CNTRL: variants seen among roughly 807,000 people sequenced by gnomAD.
CNTRL encodes centriolin.
In CNTRL, 233 loss-of-function variants were observed where a neutral mutation model predicts 303.7. The observed-to-expected ratio is 0.77, with a 90% CI of 0.69 to 0.86. The LOEUF (loss-of-function observed/expected upper bound fraction) is 0.86, where lower values mean the gene tolerates loss of function less well. Ranked by LOEUF, CNTRL falls within the 40% of genes least tolerant of loss-of-function variation. The pLI is 0.00. For synonymous variants in CNTRL, 900 were observed against 922.2 expected (o/e 0.98, Z 0.44); for missense variants, 2,524 against 2,650.6 (o/e 0.95, Z 1.05).
Position 121,138,408 on chromosome 9 carries a change from G to A in CNTRL, c.2203-137G>A, listed in dbSNP as rs1184887328. ...AAATTATCTTTGGTTTTTAAATTTG[G>A]GAGTACAAACATAAAATTGAGTTGT... On this transcript the variant is annotated intron_variant, in intron 15 of 43. Coordinates refer to ENST00000373855, the MANE Select transcript of CNTRL (RefSeq NM_007018.6). 29 of 809,490 alleles carry A rather than the reference G, an allele frequency of 3.6e-5. No homozygotes were observed. In the East Asian group the frequency reaches 7.9e-4, roughly 22 times the overall value. The allele number at this position is 809,490 out of a possible 1,614,324, so 50.1% of individuals were successfully genotyped here. A position where few individuals can be genotyped will look rare whatever the true frequency, so the allele number is the denominator to read the frequency against.
chr9:121,141,452 C>G lies in CNTRL; in HGVS notation c.2555C>G (p.Ala852Gly). The change falls in exon 18 of 44, where the codon GCA (alanine) becomes GGA (glycine). Residue 852 changes from alanine (A) to glycine (G), a missense_variant. By Grantham distance (60) the Ala-to-Gly change is moderately conservative (BLOSUM62 0). Coordinates refer to ENST00000373855, the MANE Select transcript of CNTRL (RefSeq NM_007018.6). Reference protein sequence around the residue: ...DLQKQFSEILARSKWERDEAQ... With the variant: ...DLQKQFSEILGRSKWERDEAQ... ...CAGAAACAATTCAGTGAAATTCTTG[C>G]ACGCTCCAAGTGGGAAAGAGATGAA... 1 of 1,613,980 alleles carries G rather than the reference C, an allele frequency of 6.2e-7. No homozygotes were observed. The highest frequency in any genetic ancestry group is 1.3e-5 in the African/African-American group (1 of 74,994).
chr9:121,158,188 A>C (rs1002502756), intron 30 of CNTRL, 79 bp downstream of exon 30: 3 of 1,512,502 alleles, frequency 2.0e-6, no homozygotes, highest in African/African-American at 2.8e-5. Context: ...TAATTGTAGA[A>C]AAGAATAAAT....
At chr9:121,128,280 G>A (rs1434629447) in intron 14 of CNTRL, among the ~76,000 whole-genome samples, 11 of 152,088 alleles carry the variant, frequency 7.2e-5, no homozygotes, top group Non-Finnish European at 1.3e-4. Context: ...AAGCATTCCT[G>A]TTTCTCCACA....
intron 22 of CNTRL, 137 bp from the exon 23 acceptor site, chr9:121,145,971 G>T: frequency 2.9e-6 from 2 of 684,862 alleles, no homozygotes; most frequent in Non-Finnish European, 4.6e-6. Flanking sequence ...GCCTTTTTTT[G>T]ACTTACCAAA....
At position 121,160,301 on chromosome 9, in the gene CNTRL, C is replaced by T. The variant is rs141100911; in HGVS notation, c.5088C>T (p.Thr1696=). 289 of 1,491,754 alleles carry T rather than the reference C, an allele frequency of 1.9e-4. 1 individual carries two copies. The South Asian group carries it at 2.2e-3, about 12-fold the overall frequency. The allele number at this position is 1,491,754 out of a possible 1,614,324, so 92.4% of individuals were successfully genotyped here. ...VVLRQMSKHK[T]ELKNILDMLQ... ...TAAGGCAGATGTCTAAACATAAAAC[C>T]GGTAAGTTTAAAGGAAAACAATCAT... The change falls in exon 32 of 44, where the codon ACC becomes ACT. Residue 1696 remains threonine (T), a splice_region_variant and synonymous_variant. Coordinates refer to ENST00000373855, the MANE Select transcript of CNTRL (RefSeq NM_007018.6).
Position 121,124,013 on chromosome 9 carries a change from T to C in CNTRL, c.1733T>C (p.Leu578Ser). 3 of 1,613,234 alleles carry C rather than the reference T, an allele frequency of 1.9e-6. No homozygotes were observed. The highest frequency in any genetic ancestry group is 2.5e-6 in the Non-Finnish European group (3 of 1,179,570). Residue 578 changes from leucine to serine, a missense_variant, in exon 13 of 44, where the codon TTG (leucine) becomes TCG (serine). Coordinates refer to ENST00000373855, the MANE Select transcript of CNTRL (RefSeq NM_007018.6). ...NKQYQQLESR[L>S]DEILSRIAKE... ...CAGTACCAACAACTTGAAAGTCGTT[T>C]GGATGAGATACTTTCTAGAATTGCT... is the stretch of plus-strand genomic sequence containing the variant.
chr9:121,129,982 G>A (rs1212522604), intron 14 of CNTRL, among the ~76,000 whole-genome samples: 2 of 152,208 alleles, frequency 1.3e-5, no homozygotes, highest in African/African-American at 2.4e-5. Context: ...CAGGGATGAA[G>A]CCGACTTGAT....
At chr9:121,125,695 C>G (rs373640670) in intron 13 of CNTRL, 21 bp from the exon 14 acceptor site, 2 of 1,595,524 alleles carry the variant, frequency 1.3e-6, no homozygotes, top group Admixed American at 1.7e-5. Flanking sequence ...TATATTATTA[C>G]CCTTTTTGCA....
At chr9:121,144,436 G>C (rs954868676) in intron 20 of CNTRL, among the ~76,000 whole-genome samples, 1 of 151,960 alleles carries the variant, frequency 6.6e-6, no homozygotes, top group Non-Finnish European at 1.5e-5. Flanking sequence ...TTTTCATCTC[G>C]TGCAGTCATG....
chr9:121,121,803 G>A (rs1361784812), intron 12 of CNTRL: 5 of 985,322 alleles, frequency 5.1e-6, no homozygotes, highest in Middle Eastern at 5.2e-4. Flanking sequence ...GAGGCTCTGC[G>A]AAGTTACAGA....
At chr9:121,080,890 G>A (rs2048111835) in intron 2 of CNTRL, among the ~76,000 whole-genome samples, 1 of 152,168 alleles carries the variant, frequency 6.6e-6, no homozygotes, top group African/African-American at 2.4e-5. Flanking sequence ...AAATTTATTC[G>A]ATCAAAGCTT....
chr9:121,168,218 G>A lies in CNTRL; in HGVS notation c.5967G>A (p.Leu1989=). ...EKELTDQKSK[L]DQVLSKVLAA... is the part of the protein sequence containing the mutation. ...AATTAACAGACCAGAAAAGCAAACT[G>A]GACCAAGTGCTCTCAAAGGTGCTGG... The change falls in exon 38 of 44, where the codon CTG becomes CTA. Residue 1989 remains leucine (L), a synonymous_variant. Coordinates refer to ENST00000373855, the MANE Select transcript of CNTRL (RefSeq NM_007018.6). The A allele has an allele frequency of 1.9e-6, 3 of 1,614,142 alleles. No homozygotes were observed. In the South Asian group the frequency reaches 3.3e-5, roughly 18 times the overall value.
Position 121,088,370 on chromosome 9 carries a change from T to C in CNTRL, c.44T>C (p.Ile15Thr), listed in dbSNP as rs1224865823. 1 of 1,613,614 alleles carries C rather than the reference T, an allele frequency of 6.2e-7. No individual in the cohort carries two copies. The highest frequency in any genetic ancestry group is 8.5e-7 in the Non-Finnish European group (1 of 1,179,684). ...SQQKIFSKAK[I>T]PSSSHSPIPS... ...CAAAAAATATTCTCCAAAGCAAAGA[T>C]ACCATCATCATCTCACTCTCCTATC... The change falls in exon 3 of 44, where the codon ATA becomes ACA. Residue 15 changes from isoleucine (I) to threonine (T), a missense_variant. Coordinates refer to ENST00000373855, the MANE Select transcript of CNTRL (RefSeq NM_007018.6).
rs768376119 is a variant in CNTRL, at chr9:121,169,699, A to C, written c.6159A>C (p.Ala2053=). 5 of 1,614,120 alleles carry C rather than the reference A, an allele frequency of 3.1e-6. No homozygotes were observed. Among genetic ancestry groups the C allele is most frequent in the East Asian group, 4.5e-5 (2 of 44,900 alleles). The change falls in exon 39 of 44, where the codon GCA becomes GCC. Residue 2053 remains alanine, a synonymous_variant. Transcript: ENST00000373855. ...AGAAAGAGGCAGATTCTATGAGGGC[A>C]GACTTCAGCCTTCTGCGGAACCAGT... ...ALQKEADSMR[A]DFSLLRNQFL... is the part of the protein sequence containing the mutation.
intron 12 of CNTRL, chr9:121,122,324 A>G (rs773896029): frequency 3.4e-6 from 3 of 872,078 alleles, no homozygotes; most frequent in Non-Finnish European, 2.8e-6. Flanking sequence ...AGAGTTTGCA[A>G]AATACCATAA....
chr9:121,141,334 C>A, intron 17 of CNTRL, 47 bp from the exon 18 acceptor site: 2 of 1,451,212 alleles, frequency 1.4e-6, no homozygotes, highest in Non-Finnish European at 1.9e-6. Context: ...CAGCCAGCAT[C>A]AAAAATTAAA....
chr9:121,177,179 C>T lies in CNTRL; in HGVS notation c.6971C>T (p.Ala2324Val). ...LGQNQEKNAS[A>V]R The stretch of plus-strand genomic sequence containing the variant: ...TTACTGTAGGAAAAGAATGCCTCAG[C>T]CAGATGAGGAATACTGTCTTGTGTA... Residue 2324 changes from alanine to valine, a missense_variant, in exon 44 of 44, where the codon GCC becomes GTC. Ala to Val is a moderately conservative substitution (Grantham distance 64, BLOSUM62 0). Coordinates refer to ENST00000373855, the MANE Select transcript of CNTRL (RefSeq NM_007018.6). The T allele has an allele frequency of 1.2e-6, 2 of 1,610,214 alleles. No individual in the cohort carries two copies. The highest frequency in any genetic ancestry group is 1.7e-6 in the Non-Finnish European group (2 of 1,177,232).
chr9:121,129,419 TCAC>T (rs2050726896), intron 14 of CNTRL, among the ~76,000 whole-genome samples: 1 of 152,240 alleles, frequency 6.6e-6, no homozygotes, highest in Non-Finnish European at 1.5e-5. Context: ...GGGAGTTCAC[TCAC>T]GATTTGGCTC....
At chr9:121,104,240 C>T (rs1020960495) in intron 7 of CNTRL, among the ~76,000 whole-genome samples, 1 of 152,150 alleles carries the variant, frequency 6.6e-6, no homozygotes, top group South Asian at 2.1e-4. Context: ...ATGGTTGAAG[C>T]TGGAAACCAT....
Sources: allele counts gnomAD v4.1 joint callset (sites outside exome capture counted in the v4.1 genomes callset), GRCh38; gene constraint gnomAD v4.1.1; transcripts MANE v1.5; gene names NCBI Gene and HGNC (gene_info 2026-07-23, HGNC 2026-07-21).